The following ADGRB3 variants were observed in gnomAD, a reference collection of about 807,000 sequenced individuals.
ADGRB3 encodes adhesion G protein-coupled receptor B3.
A neutral mutation model predicts 193.4 loss-of-function variants in ADGRB3; 37 were observed. The ratio of observed to expected loss-of-function variants is 0.19; its 90% CI spans 0.15 to 0.25. The LOEUF (loss-of-function observed/expected upper bound fraction) is 0.25, where lower values mean the gene tolerates loss of function less well. ADGRB3 is among the 10% of genes least tolerant of loss of function. The pLI is 1.00. For missense variants in ADGRB3, 1,637 were observed against 1,852.9 expected (o/e 0.88, Z 2.14); for synonymous variants, 690 against 644.2 (o/e 1.07, Z -1.08).
At position 69,266,935 on chromosome 6, in the gene ADGRB3, T is replaced by C. The variant is rs1021108975; in HGVS notation, c.2814+27709T>C. Among the ~76,000 whole-genome samples, 5 of 152,082 alleles carry C rather than the reference T, an allele frequency of 3.3e-5. No individual in the cohort carries two copies. The East Asian group carries it at 9.6e-4, about 29-fold the overall frequency. On this transcript the variant is annotated intron_variant, in intron 20 of 31. Transcript: ENST00000370598. ...TAACAAGGGTGATACCAGTCTAAGG[T>C]TGTACAGATAATTGCTCCGCAGTGT...
chr6:68,690,429 C>T (rs1401580780), intron 3 of ADGRB3, among the ~76,000 whole-genome samples: 1 of 151,982 alleles, frequency 6.6e-6, no homozygotes, highest in Non-Finnish European at 1.5e-5. Flanking sequence ...CCCTTTTTGT[C>T]ACATAATAAT....
chr6:68,653,368 A>G (rs1189262877), intron 3 of ADGRB3, among the ~76,000 whole-genome samples: 2 of 152,114 alleles, frequency 1.3e-5, no homozygotes, highest in Non-Finnish European at 2.9e-5. Flanking sequence ...GGATTGGGGA[A>G]CAGTTGTGGT....
intron 8 of ADGRB3, among the ~76,000 whole-genome samples, chr6:68,963,945 A>G (rs576154203): frequency 2.6e-5 from 4 of 152,138 alleles, no homozygotes; most frequent in Non-Finnish European, 5.9e-5. Flanking sequence ...GCCTAGTTAA[A>G]TATAATAGGT....
At chr6:68,918,089 T>G (rs1230971818) in intron 3 of ADGRB3, among the ~76,000 whole-genome samples, 1 of 152,172 alleles carries the variant, frequency 6.6e-6, no homozygotes, top group Non-Finnish European at 1.5e-5. Context: ...GGTAAAACAT[T>G]TTTTTAAGAA....
At chr6:68,895,747 T>A (rs1766201422) in intron 3 of ADGRB3, among the ~76,000 whole-genome samples, 1 of 151,918 alleles carries the variant, frequency 6.6e-6, no homozygotes. Context: ...GATCAATAAA[T>A]GCCTAGGAAT....
intron 31 of ADGRB3, among the ~76,000 whole-genome samples, chr6:69,386,498 CA>C (rs1770074675): frequency 6.6e-6 from 1 of 152,060 alleles, no homozygotes; most frequent in Non-Finnish European, 1.5e-5. Flanking sequence ...TTTGATGATT[CA>C]GGTCTCACCA....
chr6:69,361,165 C>T lies in ADGRB3; in HGVS notation c.3892C>T (p.His1298Tyr), dbSNP rs757975932. The T allele has an allele frequency of 8.1e-6, 13 of 1,612,614 alleles. No individual in the cohort carries two copies. The highest frequency in any genetic ancestry group is 1.1e-5 in the Non-Finnish European group (13 of 1,179,290). The change falls in exon 29 of 32, where the codon CAT (histidine) becomes TAT (tyrosine). Residue 1298 changes from histidine (H) to tyrosine (Y), a missense_variant. Physicochemically the swap from His to Tyr is moderately conservative, Grantham distance 83 (BLOSUM62 2). Transcript: ENST00000370598. ...GAGAGGGGCTGACATGGACATAGTC[C>T]ATCCTCAAGAAAGAATGATGGAAAG... ...NLRGADMDIV[H>Y]PQERMMESDY...
At chr6:68,806,591 T>G (rs943411848) in intron 3 of ADGRB3, among the ~76,000 whole-genome samples, 1 of 151,948 alleles carries the variant, frequency 6.6e-6, no homozygotes, top group African/African-American at 2.4e-5. Flanking sequence ...TTGAACATTT[T>G]AAATATCTAG....
chr6:69,364,690 G>A (rs74813449), intron 29 of ADGRB3, among the ~76,000 whole-genome samples: 8,844 of 152,066 alleles, frequency 0.058, 796 homozygotes, highest in African/African-American at 0.2. Flanking sequence ...AATATACTAA[G>A]ATTTTTCACA....
chr6:69,187,896 G>A (rs1765103325), intron 17 of ADGRB3, among the ~76,000 whole-genome samples: 1 of 152,150 alleles, frequency 6.6e-6, no homozygotes, highest in African/African-American at 2.4e-5. Context: ...TCTAAAATCA[G>A]CAAAGATGGA....
At chr6:69,274,430 A>G (rs1767247681) in intron 20 of ADGRB3, among the ~76,000 whole-genome samples, 1 of 121,894 alleles carries the variant, frequency 8.2e-6, no homozygotes, top group Admixed American at 8.2e-5. Context: ...GTTGTCTCTC[A>G]CATTGGTGGT....
intron 17 of ADGRB3, among the ~76,000 whole-genome samples, chr6:69,225,872 A>G (rs1270447998): frequency 6.6e-6 from 1 of 152,200 alleles, no homozygotes; most frequent in African/African-American, 2.4e-5. Context: ...TATTTTCACT[A>G]GTGTGATGAT....
At chr6:69,337,975 C>G (rs1308421672) in intron 24 of ADGRB3, among the ~76,000 whole-genome samples, 1 of 152,062 alleles carries the variant, frequency 6.6e-6, no homozygotes, top group Non-Finnish European at 1.5e-5. Context: ...AGCATTATTC[C>G]AAGTTGTTTG....
intron 3 of ADGRB3, among the ~76,000 whole-genome samples, chr6:68,799,886 A>T (rs1767279647): frequency 6.6e-6 from 1 of 152,200 alleles, no homozygotes; most frequent in African/African-American, 2.4e-5. Flanking sequence ...AATAGGGTAG[A>T]GGAGTGATAG....
intron 3 of ADGRB3, among the ~76,000 whole-genome samples, chr6:68,860,913 T>C (rs1765135371): frequency 6.6e-6 from 1 of 152,168 alleles, no homozygotes; most frequent in African/African-American, 2.4e-5. Flanking sequence ...TTGGGGCTAC[T>C]CTAAAACTCA....
chr6:68,738,655 C>T (rs149872150), intron 3 of ADGRB3, among the ~76,000 whole-genome samples: 2 of 152,006 alleles, frequency 1.3e-5, no homozygotes, highest in Non-Finnish European at 2.9e-5. Flanking sequence ...ACAAAACTGA[C>T]GTTAAGGTTT....
chr6:69,102,487 C>G (rs548462391), intron 17 of ADGRB3, among the ~76,000 whole-genome samples: 25 of 152,286 alleles, frequency 1.6e-4, no homozygotes, highest in African/African-American at 6.0e-4. Context: ...TGTGTTTCAG[C>G]TTTTAAGAAG....
Position 68,680,772 on chromosome 6 carries a change from T to A in ADGRB3, c.757+41340T>A, listed in dbSNP as rs561415227. ...GTATATAAAATAGGTAAATAATATA[T>A]AAGTATTAAGATCTCTATTGGACTT... On this transcript the variant is annotated intron_variant, in intron 3 of 31. Transcript: ENST00000370598. Among the ~76,000 whole-genome samples, 18 of 152,266 alleles carry A rather than the reference T, an allele frequency of 1.2e-4. No individual in the cohort carries two copies. The East Asian group carries it at 3.3e-3, about 28-fold the overall frequency.
At chr6:69,318,830 G>T (rs1266323282) in intron 20 of ADGRB3, among the ~76,000 whole-genome samples, 1 of 146,346 alleles carries the variant, frequency 6.8e-6, no homozygotes, top group Admixed American at 6.9e-5. Flanking sequence ...CTTGTCAAGG[G>T]TGTGTGTATA....
Sources: gnomAD v4.1 joint callset for allele counts (sites outside exome capture counted in the v4.1 genomes callset) on GRCh38, gnomAD v4.1.1 for gene constraint, MANE v1.5 for transcripts, NCBI Gene and HGNC (gene_info 2026-07-23, HGNC 2026-07-21) for gene names.